CDYL: variants seen among roughly 807,000 people sequenced by gnomAD.
CDYL encodes the protein chromodomain Y-like protein.
CDYL carries 8 observed loss-of-function variants against 47.3 expected under a neutral mutation model. That is an observed-to-expected ratio of 0.17 (90% confidence interval 0.10 to 0.31). CDYL has a LOEUF of 0.31. CDYL is among the 10% of genes least tolerant of loss of function. The pLI is 1.00. For missense variants in CDYL, 471 were observed against 701.4 expected (o/e 0.67, Z 3.71); for synonymous variants, 266 against 265.0 (o/e 1.00, Z -0.04).
chr6:4,896,036 C>T (rs1352843980), intron 2 of CDYL, among the ~76,000 whole-genome samples: 1 of 152,226 alleles, frequency 6.6e-6, no homozygotes, highest in Non-Finnish European at 1.5e-5. Context: ...CTCTACCCCT[C>T]TCTCACTTCT....
intron 1 of CDYL, among the ~76,000 whole-genome samples, chr6:4,852,314 T>TCTTCCTTC (rs567284610): frequency 6.0e-5 from 9 of 151,242 alleles, no homozygotes; most frequent in African/African-American, 2.0e-4. Flanking sequence ...GCAGGGCCAG[T>TCTTCCTTC]CTTCCTTCCT....
chr6:4,917,283 T>A (rs944469023), intron 2 of CDYL, among the ~76,000 whole-genome samples: 1 of 152,210 alleles, frequency 6.6e-6, no homozygotes, highest in Non-Finnish European at 1.5e-5. Context: ...TCTTAGAATC[T>A]TCGTTTTAAT....
intron 1 of CDYL, among the ~76,000 whole-genome samples, chr6:4,828,559 T>G (rs1760046083): frequency 6.6e-6 from 1 of 152,200 alleles, no homozygotes; most frequent in Admixed American, 6.5e-5. Context: ...CTTTTTGTCT[T>G]TTGCTTCCAA....
intron 3 of CDYL, among the ~76,000 whole-genome samples, chr6:4,756,788 A>G (rs967017910): frequency 6.6e-6 from 1 of 152,214 alleles, no homozygotes; most frequent in Non-Finnish European, 1.5e-5. Flanking sequence ...TAATAAAAAG[A>G]ACATGGGTTT....
intron 1 of CDYL, among the ~76,000 whole-genome samples, chr6:4,821,707 G>C (rs546589655): frequency 6.6e-6 from 1 of 151,162 alleles, no homozygotes; most frequent in African/African-American, 2.4e-5. Context: ...CTGTACTCCA[G>C]CCTGGGCTCT....
chr6:4,872,145 G>A (rs1343063069), intron 1 of CDYL, among the ~76,000 whole-genome samples: 3 of 152,118 alleles, frequency 2.0e-5, no homozygotes, highest in Non-Finnish European at 4.4e-5. Context: ...TTCCTCTGGT[G>A]GAAATACTCA....
chr6:4,812,289 T>C (rs1759551809), intron 1 of CDYL, among the ~76,000 whole-genome samples: 1 of 152,222 alleles, frequency 6.6e-6, no homozygotes, highest in South Asian at 2.1e-4. Context: ...TTCCTAACTT[T>C]ACTTCTGCAG....
At chr6:4,872,324 CTTTTTT>C (rs56242830) in intron 1 of CDYL, among the ~76,000 whole-genome samples, 1 of 121,648 alleles carries the variant, frequency 8.2e-6, no homozygotes. Context: ...TTTGATTTGG[CTTTTTT>C]TTTTTTTTTT....
chr6:4,925,438 A>G (rs1456488585), intron 2 of CDYL, among the ~76,000 whole-genome samples: 5 of 136,218 alleles, frequency 3.7e-5, no homozygotes, highest in South Asian at 4.7e-4. Context: ...TTGAGACAGA[A>G]TCTCACTCTG....
At chr6:4,732,086 G>A (rs1470871127) in intron 2 of CDYL, among the ~76,000 whole-genome samples, 5 of 152,324 alleles carry the variant, frequency 3.3e-5, no homozygotes, top group East Asian at 1.9e-4. Flanking sequence ...TGTAATCCCA[G>A]CACTCTGGGA....
At chr6:4,934,046 C>T (rs1193502560) in intron 2 of CDYL, among the ~76,000 whole-genome samples, 1 of 152,124 alleles carries the variant, frequency 6.6e-6, no homozygotes, top group Non-Finnish European at 1.5e-5. Context: ...TATATATGTA[C>T]AAGCAAGACA....
intron 1 of CDYL, among the ~76,000 whole-genome samples, chr6:4,883,859 A>G (rs1422165715): frequency 1.3e-5 from 2 of 152,208 alleles, no homozygotes; most frequent in African/African-American, 2.4e-5. Context: ...AGCAGTGATC[A>G]TCAGAGAACT....
rs1761413602 is a variant in CDYL at position 4,869,449 on chromosome 6, A to G, written c.25-22264A>G. Among the ~76,000 whole-genome samples, 3 of 151,980 alleles carry G rather than the reference A, an allele frequency of 2.0e-5. 1 individual carries two copies. In the South Asian group the frequency reaches 6.2e-4, roughly 32 times the overall value. ...GGAGTGTTTAGTTATTTCACATTTA[A>G]TGTAGTTATTGATATGGTTGGTTTT... On this transcript the variant is annotated intron_variant, in intron 1 of 6. Transcript: ENST00000397588.
chr6:4,722,805 G>A (rs887755701), intron 2 of CDYL, among the ~76,000 whole-genome samples: 10 of 152,114 alleles, frequency 6.6e-5, no homozygotes, highest in African/African-American at 2.2e-4. Context: ...TGAACCCAGG[G>A]GGCAGAGGTT....
chr6:4,773,318 A>G (rs1561843505), upstream of CDYL: 2 of 369,076 alleles, frequency 5.4e-6, no homozygotes, highest in Admixed American at 3.4e-5. This position sits in a 1 kb window ranked among gnomAD's most constrained non-coding sequence, Gnocchi z 4.6. Flanking sequence ...TTTTGCTGCA[A>G]TCTTCCCGGT....
chr6:4,918,151 A>G (rs1474747988), intron 2 of CDYL, among the ~76,000 whole-genome samples: 1 of 152,230 alleles, frequency 6.6e-6, no homozygotes, highest in Non-Finnish European at 1.5e-5. Flanking sequence ...ACATGAAGAA[A>G]AGTATTGATC....
chr6:4,897,141 C>A (rs1463201632), intron 2 of CDYL, among the ~76,000 whole-genome samples: 1 of 152,162 alleles, frequency 6.6e-6, no homozygotes, highest in Non-Finnish European at 1.5e-5. Flanking sequence ...GAAGTAATTG[C>A]TTTTAAAAAC....
intron 1 of CDYL, among the ~76,000 whole-genome samples, chr6:4,848,080 A>G (rs1760713869): frequency 6.6e-6 from 1 of 152,202 alleles, no homozygotes; most frequent in East Asian, 1.9e-4. Context: ...GCTTTTGCTT[A>G]TAGATATTGA....
At chr6:4,913,897 C>T (rs9502251) in intron 2 of CDYL, among the ~76,000 whole-genome samples, 2 of 152,224 alleles carry the variant, frequency 1.3e-5, no homozygotes, top group Admixed American at 6.5e-5. Context: ...TGGCGGAGCC[C>T]GGGTCTAGCC....
Sources: allele counts gnomAD v4.1 joint callset (sites outside exome capture counted in the v4.1 genomes callset), GRCh38; gene constraint gnomAD v4.1.1; non-coding constraint Gnocchi (gnomAD v3.1); transcripts MANE v1.5; gene names NCBI Gene and HGNC (gene_info 2026-07-23, HGNC 2026-07-21).